Variants in RBMS3 observed in about 807,000 individuals in gnomAD.
RBMS3 encodes the protein RNA binding motif single stranded interacting protein 3.
In RBMS3, 27 loss-of-function variants were observed where a neutral mutation model predicts 66.8. The ratio of observed to expected loss-of-function variants is 0.40; its 90% confidence interval spans 0.30 to 0.56. RBMS3 has a LOEUF of 0.56. Among genes scored for constraint, RBMS3 ranks in the 20% least tolerant of loss-of-function variants. RBMS3 has a pLI of 0.40. For missense variants in RBMS3, 513 were observed against 549.5 expected (o/e 0.93, Z 0.66); for synonymous variants, 188 against 183.0 (o/e 1.03, Z -0.22).
intron 1 of RBMS3, among the ~76,000 whole-genome samples, chr3:29,305,296 G>A (rs977306735): frequency 3.3e-5 from 5 of 151,776 alleles, no homozygotes; most frequent in African/African-American, 1.2e-4. Flanking sequence ...ATATTTTTCT[G>A]TTTATTTTCT....
chr3:29,578,790 C>CTTTTTTTTTTTTTTTTTTTTTTTTTT (rs1185861167), intron 3 of RBMS3, among the ~76,000 whole-genome samples: 1 of 101,084 alleles, frequency 9.9e-6, no homozygotes, highest in African/African-American at 4.5e-5. Context: ...ATACATGCTT[C>CTTTTTTTTTTTTTTTTTTTTTTTTTT]TTTTTTTTTT....
At chr3:29,529,420 A>G (rs1576130944) in intron 3 of RBMS3, among the ~76,000 whole-genome samples, 1 of 152,202 alleles carries the variant, frequency 6.6e-6, no homozygotes, top group African/African-American at 2.4e-5. Flanking sequence ...GATGAGCACA[A>G]TTTGCATACA....
At chr3:29,641,811 C>T (rs2049726161) in intron 4 of RBMS3, among the ~76,000 whole-genome samples, 1 of 152,042 alleles carries the variant, frequency 6.6e-6, no homozygotes, top group African/African-American at 2.4e-5. Flanking sequence ...AAGACCAGGA[C>T]ACTTATGCTA....
At chr3:29,340,597 C>A (rs1411976830) in intron 1 of RBMS3, among the ~76,000 whole-genome samples, 4 of 152,140 alleles carry the variant, frequency 2.6e-5, no homozygotes. Flanking sequence ...AATGCCACAT[C>A]TTTTCTTCTG....
rs1048349175 is a variant in RBMS3 at position 29,913,836 on chromosome 3, C to T, written c.939+14081C>T. 3.3e-5 allele frequency among the ~76,000 whole-genome samples: 5 copies of T among 151,984 alleles called. No homozygotes were observed. The East Asian group carries it at 7.8e-4, about 24-fold the overall frequency. ...TATCTCTAAGTATTTTCAATCAATA[C>T]TGAAAAAATCATTATGCTTCCAAGT... is the stretch of plus-strand genomic sequence containing the variant. On this transcript the variant is annotated intron_variant, in intron 10 of 14. Coordinates refer to ENST00000383767, the MANE Select transcript of RBMS3 (RefSeq NM_001003793.3).
chr3:29,615,406 C>A (rs1040370183), intron 4 of RBMS3, among the ~76,000 whole-genome samples: 3 of 151,718 alleles, frequency 2.0e-5, no homozygotes, highest in Non-Finnish European at 4.4e-5. Context: ...AAAATCTATA[C>A]CATAGGCATT....
chr3:29,295,305 C>CATACACATATA (rs1559467244), intron 1 of RBMS3, among the ~76,000 whole-genome samples: 5 of 4,664 alleles, frequency 1.1e-3, no homozygotes, highest in African/African-American at 2.5e-3. Context: ...ACATATATAT[C>CATACACATATA]TATATATATA....
At chr3:29,388,970 T>C (rs1330748449) in intron 1 of RBMS3, among the ~76,000 whole-genome samples, 2 of 152,238 alleles carry the variant, frequency 1.3e-5, no homozygotes, top group Non-Finnish European at 2.9e-5. Context: ...GCAGTTTGCC[T>C]CAGTATTGAT....
intron 13 of RBMS3, among the ~76,000 whole-genome samples, chr3:29,989,956 T>G (rs1343721239): frequency 6.6e-6 from 1 of 152,234 alleles, no homozygotes. Context: ...TTTTGATGAT[T>G]ATTATGAGAC....
intron 3 of RBMS3, among the ~76,000 whole-genome samples, chr3:29,532,236 G>A (rs149074852): frequency 0.13 from 11,006 of 84,868 alleles, 621 homozygotes; most frequent in South Asian, 0.23. Flanking sequence ...TTTTAATTTC[G>A]CATATATATG....
chr3:29,404,681 C>A (rs1228910483), intron 1 of RBMS3, among the ~76,000 whole-genome samples: 1 of 152,054 alleles, frequency 6.6e-6, no homozygotes, highest in Non-Finnish European at 1.5e-5. Context: ...GTAGGATAAT[C>A]ATGATGAGTT....
In RBMS3 at chr3:29,770,211, G is replaced by C. The variant is rs866069490; in HGVS notation, c.637+7222G>C. 2.0e-5 allele frequency among the ~76,000 whole-genome samples: 3 copies of C among 151,870 alleles called. No individual in the cohort carries two copies. In the Middle Eastern group the frequency reaches 0.01, roughly 517 times the overall value. The stretch of plus-strand genomic sequence containing the variant: ...ATTATGCAGCACTTTTGCTCCCCCT[G>C]CCACGTCTTCACATAGAAAGATAAA... On this transcript the variant is annotated intron_variant, in intron 6 of 14. Transcript: ENST00000383767.
intron 2 of RBMS3, among the ~76,000 whole-genome samples, chr3:29,461,484 G>A (rs1176441367): frequency 2.6e-5 from 4 of 152,134 alleles, no homozygotes; most frequent in Non-Finnish European, 5.9e-5. Flanking sequence ...TCCAAAAACT[G>A]TTTACAAACT....
intron 2 of RBMS3, among the ~76,000 whole-genome samples, chr3:29,441,591 A>G (rs1487081413): frequency 6.6e-6 from 1 of 152,212 alleles, no homozygotes; most frequent in African/African-American, 2.4e-5. Flanking sequence ...ATTCGTAATC[A>G]CTGAAACATT....
At chr3:29,621,621 G>A (rs779042057) in intron 4 of RBMS3, among the ~76,000 whole-genome samples, 1 of 152,130 alleles carries the variant, frequency 6.6e-6, no homozygotes, top group Non-Finnish European at 1.5e-5. Context: ...TAACTTATCA[G>A]AAGTCTCCTG....
intron 6 of RBMS3, among the ~76,000 whole-genome samples, chr3:29,788,384 T>C (rs9849313): frequency 0.32 from 47,944 of 151,852 alleles, 8,372 homozygotes; most frequent in African/African-American, 0.46. Flanking sequence ...TGCCACCACG[T>C]CCGGCTAACT....
rs115817370 is a variant in RBMS3, at chr3:29,366,820, G to A, written c.76-67923G>A. 6.1e-3 allele frequency among the ~76,000 whole-genome samples: 931 copies of A among 152,114 alleles called. 6 individuals are homozygous for A. Among genetic ancestry groups the A allele is most frequent in the Middle Eastern group, 0.034 (10 of 294 alleles). ...ATCATTTTATTCCTCTTTCTATAGC[G>A]GGGCTGTGTCACTTTTTGATGACTT... On this transcript the variant is annotated intron_variant, in intron 1 of 14. Coordinates refer to ENST00000383767, the MANE Select transcript of RBMS3 (RefSeq NM_001003793.3).
At chr3:29,364,160 TG>T (rs2037768742) in intron 1 of RBMS3, among the ~76,000 whole-genome samples, 1 of 152,296 alleles carries the variant, frequency 6.6e-6, no homozygotes, top group Admixed American at 6.5e-5. Context: ...GATGCGTATA[TG>T]GCATTAAAAA....
chr3:29,985,742 G>T (rs1216641894), intron 12 of RBMS3, among the ~76,000 whole-genome samples: 2 of 152,066 alleles, frequency 1.3e-5, no homozygotes, highest in African/African-American at 4.8e-5. Flanking sequence ...GAAGTCACCC[G>T]CCTTCTGCAT....
Sources: allele counts gnomAD v4.1 joint callset (sites outside exome capture counted in the v4.1 genomes callset), GRCh38; gene constraint gnomAD v4.1.1; transcripts MANE v1.5; gene names NCBI Gene and HGNC (gene_info 2026-07-23, HGNC 2026-07-21).